Variants in KDM8 observed in about 807,000 individuals in gnomAD.
KDM8 encodes bifunctional peptidase and arginyl-hydroxylase JMJD5.
In KDM8, 35 loss-of-function variants were observed where a neutral mutation model predicts 46.9. The observed-to-expected ratio is 0.75, with a 90% CI of 0.57 to 0.99. The LOEUF (loss-of-function observed/expected upper bound fraction) is 0.99, where lower values mean the gene tolerates loss of function less well. KDM8 is among the 50% of genes least tolerant of loss of function. The pLI is 0.00. For missense variants in KDM8, 475 were observed against 537.0 expected (o/e 0.88, Z 1.14); for synonymous variants, 232 against 227.7 (o/e 1.02, Z -0.17).
At chr16:27,214,827 G>T in intron 3 of KDM8, 49 bp from the exon 4 acceptor site, 1 of 1,609,744 alleles carries the variant, frequency 6.2e-7, no homozygotes, top group South Asian at 1.1e-5. Context: ...TTAGTACTAT[G>T]CCCAACAGAT....
chr16:27,210,745 GC>G, intron 2 of KDM8, 124 bp downstream of exon 2: 1 of 937,588 alleles, frequency 1.1e-6, no homozygotes, highest in South Asian at 2.4e-5. Context: ...GTGGAAAACA[GC>G]ATTGCCATTG....
At chr16:27,208,309 A>G (rs1348141498) in intron 1 of KDM8, among the ~76,000 whole-genome samples, 1 of 151,308 alleles carries the variant, frequency 6.6e-6, no homozygotes, top group Non-Finnish European at 1.5e-5. Flanking sequence ...ACCTGGCTAC[A>G]AAGCCGCACA....
At chr16:27,204,129 G>C in intron 1 of KDM8, 1 of 1,544,172 alleles carries the variant, frequency 6.5e-7, no homozygotes, top group South Asian at 1.2e-5. Context: ...GGAAGGCGCT[G>C]AGGAGGGAAG....
rs542343648 is a variant in KDM8, at chr16:27,221,107, C to T, written c.*377C>T. 4.1e-5 allele frequency: 15 copies of T among 362,174 alleles called. No homozygotes were observed. The highest frequency in any genetic ancestry group is 1.4e-4 in the East Asian group (2 of 14,270). The allele number at this position is 362,174 out of a possible 1,614,324, so 22.4% of individuals were successfully genotyped here. On this transcript the variant is annotated 3_prime_UTR_variant, in exon 8 of 8. Coordinates refer to ENST00000286096, the MANE Select transcript of KDM8 (RefSeq NM_024773.3). ...TGGCTACCTGATTCAAACCCGGCCGCGCTGTGCACCTGCTGGGTGACTTGG... is the reference window on the plus strand; with the variant it reads ...TGGCTACCTGATTCAAACCCGGCCGTGCTGTGCACCTGCTGGGTGACTTGG...
intron 2 of KDM8, among the ~76,000 whole-genome samples, chr16:27,212,823 C>G (rs2083500104): frequency 6.6e-6 from 1 of 152,194 alleles, no homozygotes; most frequent in African/African-American, 2.4e-5. Flanking sequence ...TCCCGAGTGG[C>G]TGGGACTACA....
chr16:27,219,408 G>A (rs1008514257), intron 6 of KDM8, among the ~76,000 whole-genome samples: 3 of 152,128 alleles, frequency 2.0e-5, no homozygotes, highest in Non-Finnish European at 2.9e-5. Context: ...GCCCCTCCCC[G>A]CCTGCTACCC....
chr16:27,207,867 C>T (rs1191147012), intron 1 of KDM8, among the ~76,000 whole-genome samples: 2 of 152,150 alleles, frequency 1.3e-5, no homozygotes, highest in Admixed American at 1.3e-4. Flanking sequence ...TTATAGGTGC[C>T]CTGCTGGGGG....
At chr16:27,205,961 G>T (rs2083424640) in intron 1 of KDM8, among the ~76,000 whole-genome samples, 1 of 152,184 alleles carries the variant, frequency 6.6e-6, no homozygotes, top group African/African-American at 2.4e-5. Context: ...TTTTGATATG[G>T]CCCACATTTG....
At chr16:27,215,119 G>A in intron 4 of KDM8, 111 bp downstream of exon 4, 2 of 1,281,350 alleles carry the variant, frequency 1.6e-6, no homozygotes, top group Non-Finnish European at 2.2e-6. Flanking sequence ...GAGCCAGGCT[G>A]TAAGTCTGTG....
At chr16:27,204,229 T>A (rs1325509661) in intron 1 of KDM8, 1 of 1,433,034 alleles carries the variant, frequency 7.0e-7, no homozygotes, top group African/African-American at 1.5e-5. Context: ...GAAAGGTGCT[T>A]GTAGCTCGGT....
Position 27,220,732 on chromosome 16 carries a change from C to T in KDM8, c.*2C>T. Reference sequence around the variant, plus strand: ...TCGGTCAGCTTCTGGTGGTCGTAGCCAGGATAGGAGCTGAAAGGGCCTGAC... The same window carrying T: ...TCGGTCAGCTTCTGGTGGTCGTAGCTAGGATAGGAGCTGAAAGGGCCTGAC... On this transcript the variant is annotated 3_prime_UTR_variant, in exon 8 of 8. Coordinates refer to ENST00000286096, the MANE Select transcript of KDM8 (RefSeq NM_024773.3). 6.2e-7 allele frequency: 1 copy of T among 1,614,126 alleles called. No individual in the cohort carries two copies. The highest frequency in any genetic ancestry group is 1.1e-5 in the South Asian group (1 of 91,076).
intron 1 of KDM8, among the ~76,000 whole-genome samples, chr16:27,204,764 C>G (rs2083411151): frequency 6.6e-6 from 1 of 152,226 alleles, no homozygotes; most frequent in African/African-American, 2.4e-5. Context: ...GTGCCTCACA[C>G]CTGTAATCCC....
chr16:27,216,001 G>T lies in KDM8; in HGVS notation c.843+12G>T. On this transcript the variant is annotated intron_variant, in intron 5 of 7. Transcript: ENST00000286096. The stretch of plus-strand genomic sequence containing the variant: ...AGCTCTTTGACCAGGTAAGTCTGAG[G>T]CCACGCACCTCTGCCCCTCACCGTC... The T allele has an allele frequency of 6.2e-7, 1 of 1,614,108 alleles. No individual in the cohort carries two copies.
chr16:27,204,413 A>C, intron 1 of KDM8: 1 of 1,170,624 alleles, frequency 8.5e-7, no homozygotes, highest in South Asian at 3.3e-5. Context: ...CTGTGCCATG[A>C]ATTAAAGCTT....
intron 5 of KDM8, among the ~76,000 whole-genome samples, chr16:27,217,883 G>A (rs2083572611): frequency 6.6e-6 from 1 of 151,990 alleles, no homozygotes; most frequent in Non-Finnish European, 1.5e-5. Context: ...TGGGGTTCTC[G>A]GTGGCCTGGG....
chr16:27,216,716 C>T (rs994174469), intron 5 of KDM8, among the ~76,000 whole-genome samples: 1 of 152,142 alleles, frequency 6.6e-6, no homozygotes, highest in African/African-American at 2.4e-5. Flanking sequence ...CATTAAAGGA[C>T]GCTGGCGGTT....
chr16:27,209,228 A>G (rs940569604), intron 1 of KDM8, among the ~76,000 whole-genome samples: 3 of 152,112 alleles, frequency 2.0e-5, no homozygotes, highest in Admixed American at 6.5e-5. Context: ...AAGTCACTTC[A>G]TTTTTGTTTT....
chr16:27,210,501 C>T lies in KDM8; in HGVS notation c.378C>T (p.Gly126=). The change falls in exon 2 of 8, where the codon GGC becomes GGT. Residue 126 remains glycine (G), a synonymous_variant. Transcript: ENST00000286096. ...VAAALRVCDM[G]LLMGAAILGD... is the part of the protein sequence containing the mutation. ...CAGCCCTGCGGGTCTGTGACATGGG[C>T]CTGCTGATGGGGGCAGCCATCCTGG... The T allele has an allele frequency of 6.4e-7, 1 of 1,567,044 alleles. No individual in the cohort carries two copies. The highest frequency in any genetic ancestry group is 8.7e-7 in the Non-Finnish European group (1 of 1,152,404).
In KDM8 at chr16:27,214,929, G is replaced by A. The variant is rs1249462165; in HGVS notation, c.719G>A (p.Gly240Asp). The A allele has an allele frequency of 6.2e-7, 1 of 1,614,074 alleles. No individual in the cohort carries two copies. The highest frequency in any genetic ancestry group is 8.5e-7 in the Non-Finnish European group (1 of 1,180,036). ...AGCRTVPVEV[G>D]SRYTDEEWSQ... ...TGCCGAACTGTCCCAGTGGAAGTTG[G>A]TTCGAGGTACACAGATGAGGAATGG... The change falls in exon 4 of 8, where the codon GGT (glycine) becomes GAT (aspartate). Residue 240 changes from glycine (G) to aspartate (D), a missense_variant. Gly to Asp is a moderately conservative substitution (Grantham distance 94). Transcript: ENST00000286096.
Sources: gnomAD v4.1 joint callset for allele counts (sites outside exome capture counted in the v4.1 genomes callset) on GRCh38, gnomAD v4.1.1 for gene constraint, MANE v1.5 for transcripts, NCBI Gene and HGNC (gene_info 2026-07-23, HGNC 2026-07-21) for gene names.